Variants in FTO observed in about 807,000 individuals in gnomAD.
FTO encodes the protein FTO alpha-ketoglutarate dependent dioxygenase, also known as alpha-ketoglutarate-dependent dioxygenase FTO.
FTO carries 47 observed loss-of-function variants against 63.9 expected under a neutral mutation model. The ratio of observed to expected loss-of-function variants is 0.74; its 90% CI spans 0.58 to 0.94. FTO has a LOEUF of 0.94. Ranked by LOEUF, FTO falls within the 40% of genes least tolerant of loss-of-function variation. The probability of loss-of-function intolerance (pLI) is 0.00; values close to 1 mark genes in which losing one functional copy is unlikely to be tolerated. For synonymous variants in FTO, 207 were observed against 224.4 expected (o/e 0.92, Z 0.69); for missense variants, 562 against 618.1 (o/e 0.91, Z 0.96).
At chr16:53,761,115 G>C (rs8055802) in intron 1 of FTO, among the ~76,000 whole-genome samples, 50,418 of 146,982 alleles carry the variant, frequency 0.34, 11,303 homozygotes, top group African/African-American at 0.65. Context: ...TTTTTTTCTG[G>C]AGACAGGGTC....
chr16:53,973,408 A>C lies in FTO; in HGVS notation c.1364+39299A>C, dbSNP rs982348505. On this transcript the variant is annotated intron_variant, in intron 8 of 8. Coordinates refer to ENST00000471389, the MANE Select transcript of FTO (RefSeq NM_001080432.3). ...TTTGCTACTTAAATACCACTTCCAAATCTGATTCATTTGGGGTGAAGTCAC... is the reference window on the plus strand; with the variant it reads ...TTTGCTACTTAAATACCACTTCCAACTCTGATTCATTTGGGGTGAAGTCAC... Among the ~76,000 whole-genome samples, 5 of 152,240 alleles carry C rather than the reference A, an allele frequency of 3.3e-5. No individual in the cohort carries two copies. In the South Asian group the frequency reaches 1.0e-3, roughly 32 times the overall value.
intron 5 of FTO, among the ~76,000 whole-genome samples, chr16:53,877,544 A>G (rs2080692538): frequency 6.6e-6 from 1 of 152,208 alleles, no homozygotes; most frequent in African/African-American, 2.4e-5. Context: ...AAATGTTGGT[A>G]GAAATCAGTT....
chr16:53,779,923 C>T (rs2077547499), intron 1 of FTO, among the ~76,000 whole-genome samples: 2 of 152,166 alleles, frequency 1.3e-5, no homozygotes, highest in Non-Finnish European at 1.5e-5. Flanking sequence ...CTACTACAGG[C>T]CAAGCCACCA....
Position 54,074,909 on chromosome 16 carries a change from AGAGAGAGAGTGT to A in FTO, c.1365-36851_1365-36840del, listed in dbSNP as rs1379773503. On this transcript the variant is annotated intron_variant, in intron 8 of 8. Coordinates refer to ENST00000471389, the MANE Select transcript of FTO (RefSeq NM_001080432.3). Reference sequence around the variant, plus strand: ...ACTGGAAAGAGGGAGAGAGAGAGAGAGAGAGAGAGTGTGTGTGTGTGTGTGTGTGTGTGTGTG... The same window carrying A: ...ACTGGAAAGAGGGAGAGAGAGAGAGAGTGTGTGTGTGTGTGTGTGTGTGTG... Among the ~76,000 whole-genome samples, 688 of 115,622 alleles carry A rather than the reference AGAGAGAGAGTGT, an allele frequency of 6.0e-3. 5 individuals carry two copies. The highest frequency in any genetic ancestry group is 0.022 in the African/African-American group (656 of 29,386). The allele number at this position is 115,622 out of a possible 152,430, so 75.9% of individuals were successfully genotyped here.
At chr16:53,976,427 A>G (rs1015786426) in intron 8 of FTO, among the ~76,000 whole-genome samples, 4 of 151,640 alleles carry the variant, frequency 2.6e-5, no homozygotes, top group African/African-American at 9.7e-5. Flanking sequence ...CTTTTATCAT[A>G]TACTAAATTT....
chr16:53,932,574 G>C (rs1480720500), intron 7 of FTO, among the ~76,000 whole-genome samples: 1 of 152,004 alleles, frequency 6.6e-6, no homozygotes, highest in Admixed American at 6.5e-5. Context: ...ATTTTTAGTA[G>C]AGATGGGGTT....
intron 1 of FTO, among the ~76,000 whole-genome samples, chr16:53,768,153 CCT>C (rs1340322436): frequency 1.3e-5 from 2 of 152,200 alleles, no homozygotes; most frequent in African/African-American, 4.8e-5. Flanking sequence ...TTTGGGATTT[CCT>C]TCCACATTTG....
intron 8 of FTO, among the ~76,000 whole-genome samples, chr16:53,962,787 G>A (rs2083112381): frequency 6.6e-6 from 1 of 152,114 alleles, no homozygotes; most frequent in Admixed American, 6.6e-5. Context: ...GTTTAATAAA[G>A]AAGCTCTTTT....
intron 1 of FTO, among the ~76,000 whole-genome samples, chr16:53,783,609 A>ATC (rs2151664316): frequency 6.8e-6 from 1 of 147,074 alleles, no homozygotes; most frequent in South Asian, 2.2e-4. Flanking sequence ...CTCCATAAAA[A>ATC]AAAAAAAAAA....
intron 8 of FTO, among the ~76,000 whole-genome samples, chr16:53,965,136 T>G (rs1160389763): frequency 6.6e-6 from 1 of 152,080 alleles, no homozygotes; most frequent in Admixed American, 6.5e-5. Context: ...TGCAGTGGCG[T>G]GATCTCGGCT....
intron 8 of FTO, among the ~76,000 whole-genome samples, chr16:54,095,814 A>G (rs2086503953): frequency 6.6e-6 from 1 of 152,184 alleles, no homozygotes; most frequent in Non-Finnish European, 1.5e-5. Flanking sequence ...GATGGCAGCC[A>G]TGTGCTAAGG....
chr16:53,967,411 G>A (rs1222105716), intron 8 of FTO, among the ~76,000 whole-genome samples: 1 of 152,098 alleles, frequency 6.6e-6, no homozygotes, highest in Non-Finnish European at 1.5e-5. Context: ...ATGTTAGATG[G>A]TGCTGGGATT....
At chr16:54,026,683 G>A (rs2084721620) in intron 8 of FTO, among the ~76,000 whole-genome samples, 1 of 152,094 alleles carries the variant, frequency 6.6e-6, no homozygotes. Flanking sequence ...CCTTGATGTT[G>A]GCCAGTATTA....
chr16:53,704,442 T>C (rs966440574), intron 1 of FTO, among the ~76,000 whole-genome samples: 3 of 152,222 alleles, frequency 2.0e-5, no homozygotes, highest in Non-Finnish European at 4.4e-5. Flanking sequence ...GGCTCAAAAA[T>C]GAGAAGCAAG....
chr16:53,720,641 A>AT (rs2076016791), intron 1 of FTO, among the ~76,000 whole-genome samples: 7 of 145,310 alleles, frequency 4.8e-5, no homozygotes, highest in African/African-American at 1.6e-4. Flanking sequence ...TTATATATAT[A>AT]AAATATATAT....
intron 8 of FTO, among the ~76,000 whole-genome samples, chr16:54,073,907 G>A (rs75293528): frequency 0.012 from 1,813 of 152,216 alleles, 33 homozygotes; most frequent in African/African-American, 0.041. Flanking sequence ...GCCGATTTGT[G>A]TTTCTTCTAT....
At chr16:54,061,465 G>A (rs961628095) in intron 8 of FTO, among the ~76,000 whole-genome samples, 2 of 152,172 alleles carry the variant, frequency 1.3e-5, no homozygotes, top group African/African-American at 4.8e-5. Flanking sequence ...TCATGGGCAG[G>A]TGTTTTCTAA....
At chr16:53,814,737 G>A (rs750062274) in intron 2 of FTO, 1 of 152,324 alleles carries the variant, frequency 6.6e-6, no homozygotes, top group African/African-American at 2.4e-5. Context: ...AACTGCCTAC[G>A]GAGTGGCTCT....
At chr16:54,016,452 A>G (rs1326490118) in intron 8 of FTO, among the ~76,000 whole-genome samples, 4 of 152,106 alleles carry the variant, frequency 2.6e-5, no homozygotes, top group African/African-American at 9.7e-5. Context: ...GCCGGTCTGA[A>G]CTTTGGGGAC....
Sources: gnomAD v4.1 joint callset for allele counts (sites outside exome capture counted in the v4.1 genomes callset) on GRCh38, gnomAD v4.1.1 for gene constraint, MANE v1.5 for transcripts, NCBI Gene and HGNC (gene_info 2026-07-23, HGNC 2026-07-21) for gene names.